The following MPP4 variants were observed in gnomAD, a reference collection of about 807,000 sequenced individuals.
MPP4 encodes the protein MAGUK p55 scaffold protein 4.
A neutral mutation model predicts 98.3 loss-of-function variants in MPP4; 91 were observed. The ratio of observed to expected loss-of-function variants is 0.93; its 90% CI spans 0.78 to 1.10. The LOEUF (loss-of-function observed/expected upper bound fraction) is 1.10, where lower values mean the gene tolerates loss of function less well. Ranked by LOEUF, MPP4 falls within the 50% of genes least tolerant of loss-of-function variation. The pLI is 0.00. For missense variants in MPP4, 744 were observed against 792.9 expected, an observed-to-expected ratio of 0.94 and a Z score of 0.74; for synonymous variants, 261 against 271.8, an observed-to-expected ratio of 0.96 and a Z score of 0.39.
intron 16 of MPP4, among the ~76,000 whole-genome samples, chr2:201,657,546 C>T (rs1259490035): frequency 6.8e-6 from 1 of 147,820 alleles, no homozygotes; most frequent in Non-Finnish European, 1.5e-5. Context: ...TTCCCCTTTC[C>T]ATGTTTGTAA....
chr2:201,654,638 A>G (rs2105914550), intron 18 of MPP4, among the ~76,000 whole-genome samples, 199 bp downstream of exon 18: 3 of 152,324 alleles, frequency 2.0e-5, no homozygotes, highest in Admixed American at 2.0e-4. Context: ...AAAAAAAGAA[A>G]AAAGCCCTTT....
intron 21 of MPP4, among the ~76,000 whole-genome samples, chr2:201,645,683 C>CA (rs1687542856): frequency 6.6e-6 from 1 of 151,590 alleles, no homozygotes; most frequent in Non-Finnish European, 1.5e-5. Context: ...GACAGGGTCC[C>CA]ACTCTGTCCC....
Position 201,645,022 on chromosome 2 carries a change from ATT to A in MPP4, c.*186_*187del. The A allele has an allele frequency of 4.7e-6, 2 of 428,632 alleles. No individual in the cohort carries two copies. The highest frequency in any genetic ancestry group is 3.9e-6 in the Non-Finnish European group (1 of 254,790). 26.6% of individuals were successfully genotyped at this position (428,632 alleles called of 1,614,324 possible). On this transcript the variant is annotated 3_prime_UTR_variant, in exon 22 of 22. Transcript: ENST00000409474. Reference sequence around the variant, plus strand: ...CTGCATATGAGGTAAAGGAAAAAAAATTAAGTTAAAATAGGTAACCACATAAC... The same window carrying A: ...CTGCATATGAGGTAAAGGAAAAAAAAAAGTTAAAATAGGTAACCACATAAC...
intron 19 of MPP4, 79 bp from the exon 20 acceptor site, chr2:201,649,763 C>G: frequency 1.1e-6 from 1 of 929,006 alleles, no homozygotes; most frequent in Middle Eastern, 2.1e-4. Context: ...ATAAACTGCA[C>G]TAGAGTTGAA....
chr2:201,680,978 G>T lies in MPP4; in HGVS notation c.789C>A (p.Cys263Ter), dbSNP rs1214248688. ...YWPQEDPDIP[C>*]MDAGLPFQKG... ...TCTGGAAAGGCAATCCAGCGTCCAT[G>T]CAGGGGATGTCGGGATCCTCCTGGG... Residue 263 changes from cysteine (C) to a stop codon, truncating the protein, a stop_gained, in exon 10 of 22, where the codon TGC becomes TGA. Transcript: ENST00000409474. LOFTEE classifies it high-confidence loss of function. 2 of 1,613,952 alleles carry T rather than the reference G, an allele frequency of 1.2e-6. No individual in the cohort carries two copies. The highest frequency in any genetic ancestry group is 1.7e-6 in the Non-Finnish European group (2 of 1,179,878).
chr2:201,661,203 G>A (rs1441404395), intron 14 of MPP4, among the ~76,000 whole-genome samples: 1 of 148,252 alleles, frequency 6.7e-6, no homozygotes, highest in African/African-American at 2.5e-5. Flanking sequence ...TTAGAGGCGT[G>A]AGCCACCATA....
Position 201,660,346 on chromosome 2 carries a change from T to C in MPP4, c.1073A>G (p.Glu358Gly). Residue 358 changes from glutamate to glycine, a missense_variant and splice_region_variant, in exon 15 of 22, where the codon GAG (glutamate) becomes GGG (glycine). Coordinates refer to ENST00000409474, the MANE Select transcript of MPP4 (RefSeq NM_033066.3). ...AAAACAATTACCTTCTGAAAGTTCC[T>C]CTGGATATTTGGGTAAGTGCAGAAA... ...VEADEETFES[E>G]ELSEDKEEFV... 1 of 1,613,296 alleles carries C rather than the reference T, an allele frequency of 6.2e-7. No individual in the cohort carries two copies. The highest frequency in any genetic ancestry group is 2.2e-5 in the East Asian group (1 of 44,882).
chr2:201,684,814 G>C (rs1250896045), intron 7 of MPP4, among the ~76,000 whole-genome samples: 2 of 151,886 alleles, frequency 1.3e-5, no homozygotes, highest in Admixed American at 1.3e-4. Flanking sequence ...GCCGGGCGTG[G>C]TGGCGGGCGC....
intron 3 of MPP4, among the ~76,000 whole-genome samples, chr2:201,692,592 T>A (rs527353164): frequency 6.7e-6 from 1 of 150,070 alleles, no homozygotes; most frequent in Admixed American, 6.6e-5. Flanking sequence ...CGATAGGTCA[T>A]CAGGGCTCTG....
In MPP4 at chr2:201,661,551, C is replaced by T. The variant is rs183339455; in HGVS notation, c.1073-1205G>A. 135 of 456,436 alleles carry T rather than the reference C, an allele frequency of 3.0e-4. 1 individual carries two copies. In the Admixed American group the frequency reaches 3.1e-3, roughly 10 times the overall value. 28.3% of individuals were successfully genotyped at this position (456,436 alleles called of 1,614,324 possible). A position where few individuals can be genotyped will look rare whatever the true frequency, so the allele number is the denominator to read the frequency against. On this transcript the variant is annotated intron_variant, in intron 14 of 21. Transcript: ENST00000409474. Reference sequence around the variant, plus strand: ...ACAAGGGGCGTTTTACAGTAGGCACCTCCCTCTGCAGTGCTGTTCTCAAAA... The same window carrying T: ...ACAAGGGGCGTTTTACAGTAGGCACTTCCCTCTGCAGTGCTGTTCTCAAAA...
intron 18 of MPP4, among the ~76,000 whole-genome samples, chr2:201,652,923 A>T (rs1159201360): frequency 6.6e-6 from 1 of 152,136 alleles, no homozygotes; most frequent in Non-Finnish European, 1.5e-5. Context: ...CAGATCCTTA[A>T]ATCCGGCTCT....
intron 3 of MPP4, among the ~76,000 whole-genome samples, chr2:201,692,185 A>C (rs1689049132): frequency 6.6e-6 from 1 of 152,178 alleles, no homozygotes; most frequent in Non-Finnish European, 1.5e-5. Flanking sequence ...GATAAATGAC[A>C]CCATTGGGTA....
chr2:201,681,474 T>G, intron 9 of MPP4, 22 bp downstream of exon 9: 1 of 1,586,274 alleles, frequency 6.3e-7, no homozygotes, highest in Middle Eastern at 1.7e-4. Flanking sequence ...TGTGTGAGAT[T>G]GAAGGCTCAG....
chr2:201,675,080 A>T lies in MPP4; in HGVS notation c.994+127T>A, dbSNP rs1389941342. 4.6e-6 allele frequency: 5 copies of T among 1,096,130 alleles called. No individual in the cohort carries two copies. The East Asian group carries it at 1.0e-4, about 23-fold the overall frequency. 67.9% of individuals were successfully genotyped at this position (1,096,130 alleles called of 1,614,324 possible). The stretch of plus-strand genomic sequence containing the variant: ...AATCTAGGGCCCTTCAAGGAGATTG[A>T]TTTAAATAACAACTCCATCTCCCAT... On this transcript the variant is annotated intron_variant, in intron 11 of 21. Transcript: ENST00000409474.
At chr2:201,648,081 G>T (rs1199008959) in intron 20 of MPP4, among the ~76,000 whole-genome samples, 1 of 152,154 alleles carries the variant, frequency 6.6e-6, no homozygotes, top group African/African-American at 2.4e-5. Context: ...GGAGCGCAGG[G>T]GTGGGATCTC....
chr2:201,670,034 C>T (rs917982961), intron 11 of MPP4, among the ~76,000 whole-genome samples: 1 of 152,102 alleles, frequency 6.6e-6, no homozygotes, highest in African/African-American at 2.4e-5. Flanking sequence ...GGGTAGCATT[C>T]TATGAATTTC....
At chr2:201,653,405 A>C (rs935116690) in intron 18 of MPP4, among the ~76,000 whole-genome samples, 9 of 152,118 alleles carry the variant, frequency 5.9e-5, no homozygotes, top group African/African-American at 2.2e-4. Flanking sequence ...TCCCACACTC[A>C]GTGGGTCGGG....
chr2:201,664,477 T>C (rs1272249175), intron 13 of MPP4: 2 of 729,078 alleles, frequency 2.7e-6, no homozygotes, highest in Non-Finnish European at 3.9e-6. Flanking sequence ...CTTGCCGATG[T>C]AGGAGGGGTG....
In MPP4 at chr2:201,670,680, A is replaced by T. The variant is rs540663523; in HGVS notation, c.995-930T>A. Among the ~76,000 whole-genome samples the T allele has an allele frequency of 2.0e-4, 30 of 152,274 alleles. No individual in the cohort carries two copies. In the East Asian group the frequency reaches 2.9e-3, roughly 15 times the overall value. On this transcript the variant is annotated intron_variant, in intron 11 of 21. Transcript: ENST00000409474. ...AATGAAAGTTTGTTTTAAAAAAAAA[A>T]TTTTCAAAACGTGGAAGAAGTAACT... is the stretch of plus-strand genomic sequence containing the variant.
Sources: allele counts gnomAD v4.1 joint callset (sites outside exome capture counted in the v4.1 genomes callset), GRCh38; gene constraint gnomAD v4.1.1; transcripts MANE v1.5; gene names NCBI Gene and HGNC (gene_info 2026-07-23, HGNC 2026-07-21).